Variants in RALA observed in about 807,000 individuals in gnomAD.
The protein encoded by RALA is ras-related protein Ral-A.
Under a neutral mutation model 24.0 loss-of-function variants are expected in RALA, and 5 were observed. That is an observed-to-expected ratio of 0.21 (90% confidence interval 0.11 to 0.44). The LOEUF (loss-of-function observed/expected upper bound fraction) is 0.44. RALA is among the 20% of genes least tolerant of loss of function. The pLI, the probability that RALA is intolerant of heterozygous loss-of-function variation, is 0.99. For synonymous variants in RALA, 77 were observed against 83.8 expected (o/e 0.92, Z 0.44); for missense variants, 95 against 241.2 (o/e 0.39, Z 4.01).
At chr7:39,676,537 C>T (rs1286597245) in intron 1 of RALA, among the ~76,000 whole-genome samples, 1 of 152,170 alleles carries the variant, frequency 6.6e-6, no homozygotes, top group Non-Finnish European at 1.5e-5. Context: ...CTCCTATGAG[C>T]ATTTCCTTAG....
chr7:39,651,916 C>G (rs1290255141), intron 1 of RALA, among the ~76,000 whole-genome samples: 2 of 152,162 alleles, frequency 1.3e-5, no homozygotes, highest in South Asian at 4.1e-4. Context: ...ATATTCTTAT[C>G]GCTAATTTTC....
At chr7:39,695,894 AC>A (rs1273621955) in intron 3 of RALA, among the ~76,000 whole-genome samples, 4 of 152,198 alleles carry the variant, frequency 2.6e-5, no homozygotes, top group Admixed American at 1.3e-4. Flanking sequence ...TTACAAAAAA[AC>A]ATTTCTTCCA....
intron 1 of RALA, among the ~76,000 whole-genome samples, chr7:39,685,479 C>T (rs1792681777): frequency 6.6e-6 from 1 of 152,098 alleles, no homozygotes; most frequent in Non-Finnish European, 1.5e-5. Context: ...CCCTCAACCC[C>T]CAATAACAAA....
chr7:39,634,264 G>A (rs934912870), intron 1 of RALA, among the ~76,000 whole-genome samples: 4 of 152,116 alleles, frequency 2.6e-5, no homozygotes, highest in Non-Finnish European at 5.9e-5. Context: ...CATTCCAGCT[G>A]TCTGTTTTCA....
chr7:39,659,350 A>G (rs962290856), intron 1 of RALA, among the ~76,000 whole-genome samples: 1 of 152,208 alleles, frequency 6.6e-6, no homozygotes, highest in Non-Finnish European at 1.5e-5. Context: ...GAAGAAAAAT[A>G]TAAGTGCTAC....
chr7:39,701,797 G>A (rs1793031896), intron 4 of RALA, among the ~76,000 whole-genome samples: 1 of 152,146 alleles, frequency 6.6e-6, no homozygotes, highest in African/African-American at 2.4e-5. Flanking sequence ...CCAGAGCTGG[G>A]GCATGGCATG....
intron 1 of RALA, among the ~76,000 whole-genome samples, chr7:39,679,299 T>G (rs913495966): frequency 1.3e-5 from 2 of 152,206 alleles, no homozygotes; most frequent in African/African-American, 4.8e-5. Flanking sequence ...CTGTTACGTA[T>G]TCTTCTTGGT....
intron 1 of RALA, among the ~76,000 whole-genome samples, chr7:39,627,091 A>G (rs1421260263): frequency 1.3e-5 from 2 of 151,190 alleles, no homozygotes; most frequent in African/African-American, 4.9e-5. Context: ...TTTTTTTTTA[A>G]AAGATGTACC....
chr7:39,696,282 C>G (rs78964590), intron 3 of RALA, among the ~76,000 whole-genome samples: 2,143 of 152,212 alleles, frequency 0.014, 55 homozygotes, highest in African/African-American at 0.049. Flanking sequence ...AACCAATAAC[C>G]CTACTTTAAT....
In RALA at chr7:39,696,795, G is replaced by C; in HGVS notation, c.434G>C (p.Arg145Thr). 6.2e-7 allele frequency: 1 copy of C among 1,613,946 alleles called. No homozygotes were observed. Among genetic ancestry groups the C allele is most frequent in the Non-Finnish European group, 8.5e-7 (1 of 1,179,902 alleles). ...RQVSVEEAKN[R>T]AEQWNVNYVE... ...GTTTCTGTAGAAGAGGCAAAAAACA[G>C]AGCTGAGCAGTGGAATGTTAACTAC... Residue 145 changes from arginine (R) to threonine (T), a missense_variant, in exon 4 of 5, where the codon AGA becomes ACA. Physicochemically the swap from Arg to Thr is moderately conservative, Grantham distance 71 (BLOSUM62 -1). Coordinates refer to ENST00000005257, the MANE Select transcript of RALA (RefSeq NM_005402.4).
At chr7:39,625,720 G>A (rs552580642) in intron 1 of RALA, among the ~76,000 whole-genome samples, 2 of 152,320 alleles carry the variant, frequency 1.3e-5, no homozygotes, top group African/African-American at 4.8e-5. Context: ...GGAAGAAAGG[G>A]CTAATTATAG....
chr7:39,705,102 A>C (rs533712530), intron 4 of RALA, among the ~76,000 whole-genome samples: 29 of 152,268 alleles, frequency 1.9e-4, no homozygotes, highest in African/African-American at 7.0e-4. Context: ...ATTGATTATT[A>C]GGGTTTGGTT....
chr7:39,640,792 C>G (rs1165580381), intron 1 of RALA, among the ~76,000 whole-genome samples: 3 of 152,132 alleles, frequency 2.0e-5, no homozygotes, highest in African/African-American at 7.2e-5. Context: ...GAAACTCTTC[C>G]CCTTTGGACC....
intron 1 of RALA, among the ~76,000 whole-genome samples, chr7:39,663,095 C>T (rs1792222494): frequency 6.6e-6 from 1 of 152,154 alleles, no homozygotes; most frequent in Admixed American, 6.5e-5. Context: ...ATTCAGTTGT[C>T]TCCCACTGAG....
At chr7:39,677,050 AG>A (rs1792499396) in intron 1 of RALA, among the ~76,000 whole-genome samples, 1 of 152,226 alleles carries the variant, frequency 6.6e-6, no homozygotes, top group Non-Finnish European at 1.5e-5. Context: ...GTGTCATAAA[AG>A]GGAAGTAGAG....
intron 4 of RALA, among the ~76,000 whole-genome samples, chr7:39,697,971 G>GTGTGTGTATGTA: frequency 6.7e-6 from 1 of 149,464 alleles, no homozygotes; most frequent in African/African-American, 2.5e-5. Context: ...GTGTGTGTGT[G>GTGTGTGTATGTA]TGTATGTGTG....
At chr7:39,679,417 A>AC (rs1174912523) in intron 1 of RALA, among the ~76,000 whole-genome samples, 1 of 152,202 alleles carries the variant, frequency 6.6e-6, no homozygotes, top group Admixed American at 6.5e-5. Flanking sequence ...TTGCAAACAT[A>AC]CAGTTATCAG....
intron 1 of RALA, among the ~76,000 whole-genome samples, chr7:39,674,096 A>G (rs1792437564): frequency 1.3e-5 from 2 of 151,502 alleles, no homozygotes; most frequent in African/African-American, 4.8e-5. Context: ...TAAAAGGTTG[A>G]GGGGGGGTGG....
chr7:39,691,608 A>C (rs894538165), intron 3 of RALA, among the ~76,000 whole-genome samples: 1 of 152,226 alleles, frequency 6.6e-6, no homozygotes, highest in African/African-American at 2.4e-5. Flanking sequence ...CAAAAAACTA[A>C]ACCAAGGCTT....
Sources: gnomAD v4.1 joint callset for allele counts (sites outside exome capture counted in the v4.1 genomes callset) on GRCh38, gnomAD v4.1.1 for gene constraint, MANE v1.5 for transcripts, NCBI Gene and HGNC (gene_info 2026-07-23, HGNC 2026-07-21) for gene names.